Variants in KYNU observed in about 807,000 individuals in gnomAD.
The protein encoded by KYNU is kynureninase, also known as L-kynurenine hydrolase.
In KYNU, 54 loss-of-function variants were observed where a neutral mutation model predicts 59.2. The observed-to-expected ratio is 0.91, with a 90% confidence interval of 0.73 to 1.14. The LOEUF is 1.14. Ranked by LOEUF, KYNU falls within the 50% of genes most tolerant of loss-of-function variation. The pLI, the probability that KYNU is intolerant of heterozygous loss-of-function variation, is 0.00. For missense variants in KYNU, 567 were observed against 554.4 expected (o/e 1.02, Z -0.23); for synonymous variants, 177 against 192.0 (o/e 0.92, Z 0.65).
intron 4 of KYNU, among the ~76,000 whole-genome samples, chr2:142,942,138 C>A (rs1222153779): frequency 1.4e-5 from 2 of 141,212 alleles, no homozygotes; most frequent in Non-Finnish European, 3.0e-5. Flanking sequence ...GATCATGCTG[C>A]TGCACTACAT....
intron 9 of KYNU, 106 bp from the exon 10 acceptor site, chr2:142,985,842 A>G (rs1213905823): frequency 2.7e-6 from 2 of 742,790 alleles, no homozygotes; most frequent in African/African-American, 1.8e-5. Context: ...CACATTTTGA[A>G]CTGATCAAAT....
chr2:142,879,431 T>C (rs1396803033), intron 1 of KYNU: 1 of 152,080 alleles, frequency 6.6e-6, no homozygotes, highest in Non-Finnish European at 1.5e-5. Flanking sequence ...AAAAGGTAAA[T>C]CAATTCATAC....
chr2:143,002,437 C>A (rs1685731013), intron 10 of KYNU, among the ~76,000 whole-genome samples: 1 of 152,136 alleles, frequency 6.6e-6, no homozygotes, highest in African/African-American at 2.4e-5. Context: ...AAAATGTCAT[C>A]ACTATTTTCA....
rs1455977058 is a variant in KYNU, at chr2:143,048,968, G to T, written c.*6796G>T. 6.6e-6 allele frequency: 1 copy of T among 152,158 alleles called. No homozygotes were observed. Among genetic ancestry groups the T allele is most frequent in the African/African-American group, 2.4e-5 (1 of 41,444 alleles). The allele number at this position is 152,158 out of a possible 1,614,324, so 9.4% of individuals were successfully genotyped here. ...CTTTAATGATCCGCATTTTTATTATGATGTGTCTAGGCAGTTATTATTGTG... is the reference window on the plus strand; with the variant it reads ...CTTTAATGATCCGCATTTTTATTATTATGTGTCTAGGCAGTTATTATTGTG... On this transcript the variant is annotated 3_prime_UTR_variant, in exon 14 of 14. Transcript: ENST00000264170.
chr2:142,984,281 T>C (rs1386582134), intron 8 of KYNU, among the ~76,000 whole-genome samples: 7 of 152,068 alleles, frequency 4.6e-5, no homozygotes, highest in African/African-American at 1.7e-4. Context: ...GTATTACTAC[T>C]ATATTCATCA....
In KYNU at chr2:143,050,181, A is replaced by C. The variant is rs1687238772; in HGVS notation, c.*8009A>C. The C allele has an allele frequency of 6.6e-6, 1 of 151,312 alleles. No individual in the cohort carries two copies. The highest frequency in any genetic ancestry group is 1.5e-5 in the Non-Finnish European group (1 of 67,840). The allele number at this position is 151,312 out of a possible 1,614,324, so 9.4% of individuals were successfully genotyped here. ...AATATTTGAAGCAATTGTATTTTTTAAAAATTTCTTCTAAAGAAAACCAGG... is the reference window on the plus strand; with the variant it reads ...AATATTTGAAGCAATTGTATTTTTTCAAAATTTCTTCTAAAGAAAACCAGG... On this transcript the variant is annotated 3_prime_UTR_variant, in exon 14 of 14. Transcript: ENST00000264170.
intron 3 of KYNU, among the ~76,000 whole-genome samples, chr2:142,924,852 C>A (rs1682999698): frequency 6.6e-6 from 1 of 152,180 alleles, no homozygotes; most frequent in Admixed American, 6.5e-5. Context: ...TACATCAACT[C>A]TTTCTAATGA....
chr2:143,014,705 T>C (rs1409638231), intron 10 of KYNU, among the ~76,000 whole-genome samples: 1 of 152,230 alleles, frequency 6.6e-6, no homozygotes, highest in Non-Finnish European at 1.5e-5. Context: ...GGGAGACCAT[T>C]TATAAATGAT....
At position 142,910,131 on chromosome 2, in the gene KYNU, C is replaced by CTTTTTTT. The variant is rs368644903; in HGVS notation, c.170-8465_170-8459dup. Reference sequence around the variant, plus strand: ...AGAAGTGTCTATTCATGTTCTTTGCCTTTTTTTTTTTTTTTTTTTCTTTGA... The same window carrying CTTTTTTT: ...AGAAGTGTCTATTCATGTTCTTTGCCTTTTTTTTTTTTTTTTTTTTTTTTTTCTTTGA... On this transcript the variant is annotated intron_variant, in intron 2 of 13. Transcript: ENST00000264170. Among the ~76,000 whole-genome samples the CTTTTTTT allele has an allele frequency of 3.2e-4, 34 of 105,478 alleles. 2 individuals are homozygous for CTTTTTTT. The highest frequency in any genetic ancestry group is 3.8e-4 in the Admixed American group (3 of 7,844). The allele number at this position is 105,478 out of a possible 152,430, so 69.2% of individuals were successfully genotyped here. A position where few individuals can be genotyped will look rare whatever the true frequency, so the allele number is the denominator to read the frequency against.
chr2:142,988,729 CA>C, intron 10 of KYNU: 1 of 808,056 alleles, frequency 1.2e-6, no homozygotes, highest in South Asian at 1.4e-5. Context: ...ATTGTTTTCT[CA>C]CACTCCTAAG....
chr2:143,020,715 C>A (rs1390891297), intron 10 of KYNU, among the ~76,000 whole-genome samples: 7 of 152,088 alleles, frequency 4.6e-5, no homozygotes. Flanking sequence ...AGGTTCCTTT[C>A]GATCTTGGAC....
rs772071356 is a variant in KYNU at position 143,042,129 on chromosome 2, A to G, written c.1355A>G (p.Asn452Ser). ...TTCCATGATGTTTATAAATTTACCA[A>G]TCTGCTCACTTCTATACTTGACTCT... ...NSFHDVYKFT[N>S]LLTSILDSAE... The change falls in exon 14 of 14, where the codon AAT becomes AGT. Residue 452 changes from asparagine (N) to serine (S), a missense_variant. Transcript: ENST00000264170. 28 of 1,610,644 alleles carry G rather than the reference A, an allele frequency of 1.7e-5. No homozygotes were observed. Among genetic ancestry groups the G allele is most frequent in the Admixed American group, 6.7e-5 (4 of 59,772 alleles).
At chr2:142,912,876 AT>A (rs565444372) in intron 2 of KYNU, among the ~76,000 whole-genome samples, 1 of 149,010 alleles carries the variant, frequency 6.7e-6, no homozygotes. Flanking sequence ...CACCTGGCTA[AT>A]TTTTTTTTGT....
At chr2:143,002,426 G>GA (rs1685730832) in intron 10 of KYNU, among the ~76,000 whole-genome samples, 1 of 152,100 alleles carries the variant, frequency 6.6e-6, no homozygotes, top group South Asian at 2.1e-4. Context: ...TTTGGGTTAT[G>GA]AAAATGTCAT....
chr2:142,947,275 A>G, intron 4 of KYNU: 1 of 1,526,928 alleles, frequency 6.5e-7, no homozygotes, highest in Non-Finnish European at 8.8e-7. Context: ...GAACCAGACA[A>G]ATTCACTTAA....
chr2:143,007,715 G>A (rs1573894455), intron 10 of KYNU, among the ~76,000 whole-genome samples: 1 of 122,268 alleles, frequency 8.2e-6, no homozygotes, highest in Non-Finnish European at 1.6e-5. Flanking sequence ...TCTCTCGGCA[G>A]AAACCCTACA....
At chr2:142,976,436 G>A (rs909816234) in intron 8 of KYNU, among the ~76,000 whole-genome samples, 1 of 152,064 alleles carries the variant, frequency 6.6e-6, no homozygotes, top group African/African-American at 2.4e-5. Context: ...TCTCTACCAG[G>A]GCCTGTTGTC....
intron 8 of KYNU, among the ~76,000 whole-genome samples, chr2:142,966,462 C>T (rs929183645): frequency 6.6e-6 from 1 of 152,170 alleles, no homozygotes; most frequent in African/African-American, 2.4e-5. Flanking sequence ...AACACTCAGT[C>T]CATGACCTTT....
At chr2:143,034,735 T>C (rs1686845605) in intron 12 of KYNU, among the ~76,000 whole-genome samples, 1 of 152,226 alleles carries the variant, frequency 6.6e-6, no homozygotes, top group Non-Finnish European at 1.5e-5. Flanking sequence ...TTTTATAGTA[T>C]CCATTCAGAT....
Sources: allele counts gnomAD v4.1 joint callset (sites outside exome capture counted in the v4.1 genomes callset), GRCh38; gene constraint gnomAD v4.1.1; transcripts MANE v1.5; gene names NCBI Gene and HGNC (gene_info 2026-07-23, HGNC 2026-07-21).